The following SLC10A7 variants were observed in gnomAD, a reference collection of about 807,000 sequenced individuals.
The protein encoded by SLC10A7 is solute carrier family 10 member 7.
Under a neutral mutation model 43.2 loss-of-function variants are expected in SLC10A7, and 29 were observed. The observed-to-expected ratio is 0.67, with a 90% CI of 0.50 to 0.92. The LOEUF (loss-of-function observed/expected upper bound fraction) is 0.92. Among genes scored for constraint, SLC10A7 ranks in the 40% least tolerant of loss-of-function variants. The pLI, the probability that SLC10A7 is intolerant of heterozygous loss-of-function variation, is 0.00. For missense variants in SLC10A7, 295 were observed against 403.2 expected (o/e 0.73, Z 2.30); for synonymous variants, 152 against 144.8 (o/e 1.05, Z -0.35).
chr4:146,293,243 G>C (rs1450873904), intron 8 of SLC10A7, among the ~76,000 whole-genome samples: 2 of 152,036 alleles, frequency 1.3e-5, no homozygotes, highest in Non-Finnish European at 2.9e-5. Flanking sequence ...TATTTAATTT[G>C]GTCAATTTAG....
Position 146,351,045 on chromosome 4 carries a change from G to A in SLC10A7, c.436-25049C>T, listed in dbSNP as rs1414071829. Among the ~76,000 whole-genome samples the A allele has an allele frequency of 1.3e-4, 20 of 151,376 alleles. 1 individual carries two copies. The South Asian group carries it at 3.1e-3, about 24-fold the overall frequency. Reference sequence around the variant, plus strand: ...AAGCTGGATGGAGAATGATTTTGACGAGCTGAGAGAAGAAGGCTTCAGATG... The same window carrying A: ...AAGCTGGATGGAGAATGATTTTGACAAGCTGAGAGAAGAAGGCTTCAGATG... On this transcript the variant is annotated intron_variant, in intron 5 of 11. Transcript: ENST00000335472.
chr4:146,468,109 C>T (rs1021513789), intron 4 of SLC10A7, among the ~76,000 whole-genome samples: 1 of 152,178 alleles, frequency 6.6e-6, no homozygotes, highest in Admixed American at 6.5e-5. Flanking sequence ...GAACCTCTAA[C>T]GAGTTTAATT....
In SLC10A7 at chr4:146,267,985, C is replaced by G. The variant is rs954847310; in HGVS notation, c.848-9148G>C. On this transcript the variant is annotated intron_variant, in intron 10 of 11. Coordinates refer to ENST00000335472, the MANE Select transcript of SLC10A7 (RefSeq NM_001029998.6). ...GAATTTTAGTTTCCAACCTCTGAAG[C>G]CTGAAAAGTGTCTTAGGGTGATCTC... 2.6e-5 allele frequency among the ~76,000 whole-genome samples: 4 copies of G among 152,106 alleles called. No individual in the cohort carries two copies. In the East Asian group the frequency reaches 7.7e-4, roughly 29 times the overall value.
intron 6 of SLC10A7, among the ~76,000 whole-genome samples, chr4:146,310,172 G>A (rs1476723384): frequency 6.6e-6 from 1 of 152,060 alleles, no homozygotes; most frequent in Non-Finnish European, 1.5e-5. Context: ...TTGTGTCTGT[G>A]TAGTATTCCA....
intron 5 of SLC10A7, among the ~76,000 whole-genome samples, chr4:146,392,472 T>A (rs1040030214): frequency 2.6e-5 from 4 of 152,176 alleles, no homozygotes; most frequent in African/African-American, 9.7e-5. Context: ...TGTGCATGTA[T>A]ATATTTTTAT....
At chr4:146,264,416 T>C (rs939188399) in intron 10 of SLC10A7, among the ~76,000 whole-genome samples, 6 of 152,224 alleles carry the variant, frequency 3.9e-5, no homozygotes, top group Admixed American at 3.9e-4. Context: ...CTTTACATTA[T>C]TGTTCAGAGC....
intron 4 of SLC10A7, among the ~76,000 whole-genome samples, chr4:146,465,558 T>C (rs375108217): frequency 7.2e-5 from 11 of 152,274 alleles, no homozygotes; most frequent in African/African-American, 2.2e-4. Context: ...AAAAAAGATA[T>C]CTGTGTTTCT....
intron 6 of SLC10A7, among the ~76,000 whole-genome samples, chr4:146,308,560 T>C (rs1477395083): frequency 2.6e-5 from 4 of 152,144 alleles, no homozygotes; most frequent in Non-Finnish European, 5.9e-5. Context: ...CATATTTTAA[T>C]GAGGAACCTG....
At chr4:146,395,994 T>A (rs1738798275) in intron 5 of SLC10A7, among the ~76,000 whole-genome samples, 1 of 152,204 alleles carries the variant, frequency 6.6e-6, no homozygotes, top group African/African-American at 2.4e-5. Context: ...AATGTATGTA[T>A]CATGGATTGC....
chr4:146,422,928 G>A (rs35118196), intron 5 of SLC10A7, among the ~76,000 whole-genome samples: 4,377 of 152,094 alleles, frequency 0.029, 185 homozygotes, highest in Admixed American at 0.12. Flanking sequence ...TTAATATAGT[G>A]TAAATTCTCT....
At position 146,442,913 on chromosome 4, in the gene SLC10A7, C is replaced by A; in HGVS notation, c.397-92G>T. ...TATCATTCTCCCCTCCCCCACTATTCAAAACCTTAAAACATTGACTCTATA... is the reference window on the plus strand; with the variant it reads ...TATCATTCTCCCCTCCCCCACTATTAAAAACCTTAAAACATTGACTCTATA... On this transcript the variant is annotated intron_variant, in intron 4 of 11. Transcript: ENST00000335472. The A allele has an allele frequency of 5.4e-6, 5 of 925,404 alleles. 1 individual carries two copies. In the South Asian group the frequency reaches 7.1e-5, roughly 13 times the overall value. The allele number at this position is 925,404 out of a possible 1,614,324, so 57.3% of individuals were successfully genotyped here.
At chr4:146,259,525 T>C (rs138664999) in intron 10 of SLC10A7, among the ~76,000 whole-genome samples, 3,317 of 152,248 alleles carry the variant, frequency 0.022, 107 homozygotes, top group African/African-American at 0.075. Flanking sequence ...CGCTTGAACC[T>C]GGGAGGTGGA....
At chr4:146,277,521 T>C (rs1729283694) in intron 10 of SLC10A7, among the ~76,000 whole-genome samples, 1 of 152,188 alleles carries the variant, frequency 6.6e-6, no homozygotes, top group East Asian at 1.9e-4. Context: ...CTCACTTTTC[T>C]TTAGCCTGGT....
intron 5 of SLC10A7, among the ~76,000 whole-genome samples, chr4:146,424,464 C>T (rs1729179914): frequency 6.6e-6 from 1 of 151,996 alleles, no homozygotes; most frequent in Non-Finnish European, 1.5e-5. Flanking sequence ...AGTTAGAGAC[C>T]AGCCTGGCCA....
intron 3 of SLC10A7, among the ~76,000 whole-genome samples, chr4:146,507,953 G>A (rs1202374233): frequency 6.6e-6 from 1 of 152,144 alleles, no homozygotes; most frequent in Admixed American, 6.6e-5. Flanking sequence ...TTAGCATATT[G>A]AGAGTCCAAG....
intron 9 of SLC10A7, among the ~76,000 whole-genome samples, chr4:146,287,171 GGACTGTGTCTGGAGTGGTGAGAAC>G (rs1560764938): frequency 2.0e-5 from 3 of 151,922 alleles, no homozygotes; most frequent in Non-Finnish European, 2.9e-5. Context: ...GTGGTGAGAA[GGACTGTGTCTGGAGTGGTGAGAAC>G]GACTGAGTTT....
In SLC10A7 at chr4:146,464,545, A is replaced by G. The variant is rs890088802; in HGVS notation, c.397-21724T>C. 3.3e-5 allele frequency among the ~76,000 whole-genome samples: 5 copies of G among 152,144 alleles called. No individual in the cohort carries two copies. The South Asian group carries it at 8.3e-4, about 25-fold the overall frequency. ...TTGTATGTGACTAAGAGAAGTCACAATGCAATGTACTTTAGGACAGTAAAT... is the reference window on the plus strand; with the variant it reads ...TTGTATGTGACTAAGAGAAGTCACAGTGCAATGTACTTTAGGACAGTAAAT... On this transcript the variant is annotated intron_variant, in intron 4 of 11. Transcript: ENST00000335472.
intron 9 of SLC10A7, among the ~76,000 whole-genome samples, chr4:146,290,618 G>C (rs1317876277): frequency 6.6e-6 from 1 of 152,098 alleles, no homozygotes; most frequent in Non-Finnish European, 1.5e-5. Flanking sequence ...CCAGCACTTT[G>C]GGGAGTCAAG....
At chr4:146,462,714 C>A (rs1732649638) in intron 4 of SLC10A7, among the ~76,000 whole-genome samples, 2 of 152,070 alleles carry the variant, frequency 1.3e-5, no homozygotes, top group Admixed American at 1.3e-4. Context: ...GCTTAGTGAG[C>A]CATGCAATAG....
Sources: allele counts gnomAD v4.1 joint callset (sites outside exome capture counted in the v4.1 genomes callset), GRCh38; gene constraint gnomAD v4.1.1; transcripts MANE v1.5; gene names NCBI Gene and HGNC (gene_info 2026-07-23, HGNC 2026-07-21).